The following TKTL1 variants were observed in gnomAD, a reference collection of about 807,000 sequenced individuals.
The protein encoded by TKTL1 is transketolase-like protein 1.
Under a neutral mutation model 39.3 loss-of-function variants are expected in TKTL1, and 1 was observed. That is an observed-to-expected ratio of 0.03 (90% CI 0.01 to 0.12). The LOEUF (loss-of-function observed/expected upper bound fraction) is 0.12. Among genes scored for constraint, TKTL1 ranks in the 10% least tolerant of loss-of-function variants. The probability of loss-of-function intolerance (pLI) is 1.00; values close to 1 mark genes in which losing one functional copy is unlikely to be tolerated. For synonymous variants in TKTL1, 262 were observed against 193.8 expected (o/e 1.35, Z -2.92); for missense variants, 575 against 509.6 (o/e 1.13, Z -1.24).
At chrX:154,315,969 C>T (rs1248948497) in intron 7 of TKTL1, among the ~76,000 whole-genome samples, 1 of 111,890 alleles carries the variant, frequency 8.9e-6, no homozygotes, top group African/African-American at 3.3e-5. Flanking sequence ...AACTCTAAAG[C>T]TCTGCGCGTC....
At chrX:154,318,826 C>G (rs1423046158) in intron 7 of TKTL1, among the ~76,000 whole-genome samples, 1 of 110,392 alleles carries the variant, frequency 9.1e-6, no homozygotes, top group Admixed American at 9.6e-5. Context: ...AATTAAAACC[C>G]TTTTTCTACT....
chrX:154,325,339 G>A lies in TKTL1; in HGVS notation c.1318G>A (p.Gly440Arg). The A allele has an allele frequency of 2.5e-6, 3 of 1,209,291 alleles. No homozygotes were observed. Among genetic ancestry groups the A allele is most frequent in the South Asian group, 3.5e-5 (2 of 56,975 alleles). Residue 440 changes from glycine to arginine, a missense_variant and splice_region_variant, in exon 10 of 13, where the codon GGG becomes AGG. Coordinates refer to ENST00000369915, the MANE Select transcript of TKTL1 (RefSeq NM_012253.4). Reference sequence around the variant, plus strand: ...AACCATGGCTCCATTTATGCCCTAGGGGATGTGCTTCATTCGGACCACCCG... The same window carrying A: ...AACCATGGCTCCATTTATGCCCTAGAGGATGTGCTTCATTCGGACCACCCG... ...HAVALAANAK[G>R]MCFIRTTRPE...
At chrX:154,296,249 G>A (rs1029480327) in intron 1 of TKTL1, among the ~76,000 whole-genome samples, 10 of 111,291 alleles carry the variant, frequency 9.0e-5, no homozygotes, top group South Asian at 3.8e-4. Context: ...ATTTACCCAC[G>A]GCCAAAGTTC....
intron 2 of TKTL1, among the ~76,000 whole-genome samples, chrX:154,305,632 CTTCCT>C (rs1449432996): frequency 9.0e-6 from 1 of 111,226 alleles, no homozygotes; most frequent in Non-Finnish European, 1.9e-5. Flanking sequence ...GCTGACTGTC[CTTCCT>C]TTCCTTTGGT....
At chrX:154,321,004 G>A in intron 8 of TKTL1, 91 bp downstream of exon 8, 2 of 1,013,208 alleles carry the variant, frequency 2.0e-6, no homozygotes, top group South Asian at 2.1e-5. Context: ...ATTTCCTTAT[G>A]GTTCCATGAA....
At chrX:154,311,735 G>T (rs1446144843) in intron 5 of TKTL1, among the ~76,000 whole-genome samples, 1 of 111,382 alleles carries the variant, frequency 9.0e-6, no homozygotes, top group Non-Finnish European at 1.9e-5. Context: ...GCGGCTCCTG[G>T]ATTTTTTTAA....
At chrX:154,302,718 A>T (rs1260718973) in intron 1 of TKTL1, among the ~76,000 whole-genome samples, 1 of 111,966 alleles carries the variant, frequency 8.9e-6, no homozygotes, top group Non-Finnish European at 1.9e-5. Context: ...AGGTGAAATT[A>T]AGTTAAGGAT....
At chrX:154,321,356 A>G (rs1557170761) in intron 8 of TKTL1, among the ~76,000 whole-genome samples, 1 of 108,966 alleles carries the variant, frequency 9.2e-6, no homozygotes, top group East Asian at 2.9e-4. Context: ...GGCAGCGAGA[A>G]CCCTGGAGCG....
At position 154,311,041 on chromosome X, in the gene TKTL1, C is replaced by G. The variant is rs782321454; in HGVS notation, c.542+14C>G. 2 of 1,211,407 alleles carry G rather than the reference C, an allele frequency of 1.7e-6. No homozygotes were observed. Among genetic ancestry groups the G allele is most frequent in the Non-Finnish European group, 2.2e-6 (2 of 895,061 alleles). On this transcript the variant is annotated intron_variant, in intron 4 of 12. Coordinates refer to ENST00000369915, the MANE Select transcript of TKTL1 (RefSeq NM_012253.4). ...CGAAGCCTTTGGGTAACTGTATTCT[C>G]TTGTGCTTGATTTCCATTCTGTCCT...
chrX:154,296,671 C>G lies in TKTL1; in HGVS notation c.134+678C>G, dbSNP rs1367576145. Reference sequence around the variant, plus strand: ...GTATTGTAGTATTTGGTTTTGGTATCAAAGTGTAATGCTGGCTTCATAGGA... The same window carrying G: ...GTATTGTAGTATTTGGTTTTGGTATGAAAGTGTAATGCTGGCTTCATAGGA... On this transcript the variant is annotated intron_variant, in intron 1 of 12. Transcript: ENST00000369915. Among the ~76,000 whole-genome samples the G allele has an allele frequency of 2.7e-5, 3 of 110,931 alleles. No individual in the cohort carries two copies. In the East Asian group the frequency reaches 8.5e-4, roughly 31 times the overall value.
At chrX:154,317,882 C>T (rs1248189647) in intron 7 of TKTL1, among the ~76,000 whole-genome samples, 1 of 109,999 alleles carries the variant, frequency 9.1e-6, no homozygotes, top group Non-Finnish European at 1.9e-5. Context: ...CTGGAGGGCA[C>T]CATCAGGAGC....
At position 154,330,068 on chromosome X, in the gene TKTL1, A is replaced by ATG. The variant is rs2067526015; in HGVS notation, c.*381_*382dup. The ATG allele has an allele frequency of 7.8e-6, 1 of 128,457 alleles. No individual in the cohort carries two copies. Among genetic ancestry groups the ATG allele is most frequent in the Non-Finnish European group, 1.6e-5 (1 of 64,363 alleles). The allele number at this position is 128,457 out of a possible 1,213,427, so 10.6% of individuals were successfully genotyped here. On this transcript the variant is annotated 3_prime_UTR_variant, in exon 13 of 13. Transcript: ENST00000369915. ...ATAGTTTTTTCAATGTATTTCCTTC[A>ATG]TGAGTAAAGAAAATGTGGATTGAAG...
intron 7 of TKTL1, among the ~76,000 whole-genome samples, chrX:154,316,089 T>A (rs782220725): frequency 2.2e-4 from 25 of 111,712 alleles, no homozygotes; most frequent in East Asian, 1.4e-3. Flanking sequence ...TTAAAAAAAA[T>A]TTTTTTAGAC....
chrX:154,304,003 G>A (rs375120625), intron 1 of TKTL1, among the ~76,000 whole-genome samples: 6 of 110,824 alleles, frequency 5.4e-5, no homozygotes, highest in Non-Finnish European at 9.5e-5. Flanking sequence ...ACACTGATGC[G>A]TTGGGGGAGA....
At chrX:154,322,542 A>G (rs1268335549) in intron 8 of TKTL1, among the ~76,000 whole-genome samples, 1 of 111,163 alleles carries the variant, frequency 9.0e-6, no homozygotes, top group South Asian at 3.8e-4. Context: ...AAATAATAAT[A>G]GTTAATTTTT....
Position 154,312,577 on chromosome X carries a change from C to T in TKTL1, c.671-3C>T, listed in dbSNP as rs201585397. 2 of 1,201,594 alleles carry T rather than the reference C, an allele frequency of 1.7e-6. No individual in the cohort carries two copies. The highest frequency in any genetic ancestry group is 3.0e-5 in the East Asian group (1 of 33,669). On this transcript the variant is annotated splice_polypyrimidine_tract_variant and splice_region_variant and intron_variant, in intron 5 of 12. Coordinates refer to ENST00000369915, the MANE Select transcript of TKTL1 (RefSeq NM_012253.4). ...TGGATGTCTTTTGTTTGTTTCATTA[C>T]AGGTATTGAGGATGCAGAAAGTTGG...
intron 1 of TKTL1, among the ~76,000 whole-genome samples, chrX:154,298,978 G>T (rs1283794742): frequency 9.1e-6 from 1 of 109,714 alleles, no homozygotes; most frequent in East Asian, 2.8e-4. Context: ...CAAAGTGCTG[G>T]GATTACAAGT....
At chrX:154,316,579 T>C (rs932561699) in intron 7 of TKTL1, among the ~76,000 whole-genome samples, 17 of 110,420 alleles carry the variant, frequency 1.5e-4, no homozygotes, top group Non-Finnish European at 2.7e-4. Flanking sequence ...GGAGGTCTTA[T>C]ATAGAATACA....
chrX:154,328,324 T>C (rs926483245), intron 12 of TKTL1, among the ~76,000 whole-genome samples: 2 of 108,578 alleles, frequency 1.8e-5, no homozygotes, highest in African/African-American at 6.7e-5. Context: ...CAGGTAGAGA[T>C]CACTTGAGGC....
Sources: gnomAD v4.1 joint callset for allele counts (sites outside exome capture counted in the v4.1 genomes callset) on GRCh38, gnomAD v4.1.1 for gene constraint, MANE v1.5 for transcripts, NCBI Gene and HGNC (gene_info 2026-07-23, HGNC 2026-07-21) for gene names.